NFASC: variants seen among roughly 807,000 people sequenced by gnomAD.
NFASC encodes neurofascin, also known as neurofascin homolog.
In NFASC, 43 loss-of-function variants were observed where a neutral mutation model predicts 147.5. The observed-to-expected ratio is 0.29, with a 90% CI of 0.23 to 0.38. The LOEUF (loss-of-function observed/expected upper bound fraction) is 0.38, where lower values mean the gene tolerates loss of function less well. Ranked by LOEUF, NFASC falls within the 10% of genes least tolerant of loss-of-function variation. The pLI, the probability that NFASC is intolerant of heterozygous loss-of-function variation, is 1.00. For synonymous variants in NFASC, 622 were observed against 665.5 expected (o/e 0.93, Z 1.01); for missense variants, 1,320 against 1,689.0 (o/e 0.78, Z 3.83).
At chr1:204,890,049 C>T (rs2082081018) in intron 1 of NFASC, among the ~76,000 whole-genome samples, 1 of 152,158 alleles carries the variant, frequency 6.6e-6, no homozygotes, top group South Asian at 2.1e-4. Context: ...CTTTGTGGGC[C>T]TCCCCTATCT....
intron 1 of NFASC, among the ~76,000 whole-genome samples, chr1:204,912,523 GC>G (rs1558074738): frequency 2.6e-5 from 4 of 151,278 alleles, no homozygotes; most frequent in African/African-American, 9.7e-5. Context: ...ATAGCAAGAC[GC>G]CCCATCTCTA....
At chr1:204,864,162 CATA>C (rs1177619411) in intron 1 of NFASC, among the ~76,000 whole-genome samples, 1 of 152,112 alleles carries the variant, frequency 6.6e-6, no homozygotes, top group Non-Finnish European at 1.5e-5. Flanking sequence ...TTTCACTTAG[CATA>C]ATATTTTCAA....
intron 24 of NFASC, among the ~76,000 whole-genome samples, chr1:204,993,939 C>T (rs1395956275): frequency 6.6e-6 from 1 of 152,224 alleles, no homozygotes; most frequent in Non-Finnish European, 1.5e-5. Flanking sequence ...CTCGTTCCCA[C>T]CTGTACTAGC....
intron 1 of NFASC, among the ~76,000 whole-genome samples, chr1:204,886,086 C>T (rs539814147): frequency 1.3e-5 from 2 of 152,136 alleles, no homozygotes; most frequent in Non-Finnish European, 2.9e-5. Flanking sequence ...TTCTGCAAGC[C>T]GCCTAATCAG....
chr1:204,927,046 G>C (rs2091744108), intron 2 of NFASC, among the ~76,000 whole-genome samples: 1 of 152,136 alleles, frequency 6.6e-6, no homozygotes, highest in South Asian at 2.1e-4. Context: ...CTGCACTCTG[G>C]CCTGGATGAC....
Position 205,015,671 on chromosome 1 carries a change from C to CA in NFASC, c.3492-637_3492-636insA, listed in dbSNP as rs1553332715. 3.3e-5 allele frequency among the ~76,000 whole-genome samples: 5 copies of CA among 151,846 alleles called. No individual in the cohort carries two copies. The highest frequency in any genetic ancestry group is 1.2e-4 in the African/African-American group (5 of 41,198). On this transcript the variant is annotated intron_variant, in intron 29 of 29. Coordinates refer to ENST00000339876, the MANE Select transcript of NFASC (RefSeq NM_001005388.3). This position sits in a 1 kb window ranked among gnomAD's most constrained non-coding sequence, Gnocchi z 4.0. ...CATCACCTGCTTACCTGTGTGCCCC[C>CA]CCACCACCACCACTCTTGCGCACCT...
At chr1:204,877,067 T>TA (rs2079132940) in intron 1 of NFASC, among the ~76,000 whole-genome samples, 1 of 110,550 alleles carries the variant, frequency 9.0e-6, no homozygotes, top group African/African-American at 4.6e-5. Context: ...TATTTATATA[T>TA]TTATATATAT....
Position 204,986,127 on chromosome 1 carries a change from T to C in NFASC, c.2471-1291T>C. ...ACCCCGGAAGGAGGTAGGTCTGGCCTGCAGCTCTTCAGGGTGGGGCAGGAG... is the reference window on the plus strand; with the variant it reads ...ACCCCGGAAGGAGGTAGGTCTGGCCCGCAGCTCTTCAGGGTGGGGCAGGAG... On this transcript the variant is annotated intron_variant, in intron 21 of 29. Transcript: ENST00000339876. The surrounding 1 kb of genome is among the most constrained non-coding windows in gnomAD (Gnocchi z 4.2). 2 of 1,602,996 alleles carry C rather than the reference T, an allele frequency of 1.2e-6. No homozygotes were observed. The highest frequency in any genetic ancestry group is 1.3e-5 in the African/African-American group (1 of 74,824).
intron 1 of NFASC, among the ~76,000 whole-genome samples, chr1:204,888,625 CTTTG>C (rs547734140): frequency 1.1e-3 from 166 of 152,306 alleles, no homozygotes; most frequent in African/African-American, 3.7e-3. Flanking sequence ...CTCGCATAAA[CTTTG>C]TTTAATACAC....
chr1:205,005,210 G>A (rs1244515567), intron 27 of NFASC, among the ~76,000 whole-genome samples: 1 of 152,244 alleles, frequency 6.6e-6, no homozygotes, highest in Non-Finnish European at 1.5e-5. Flanking sequence ...AAGCCAAACT[G>A]TATTTGGGGA....
In NFASC at chr1:204,979,568, C is replaced by T; in HGVS notation, c.2176+9C>T. 6.2e-7 allele frequency: 1 copy of T among 1,613,072 alleles called. No individual in the cohort carries two copies. The highest frequency in any genetic ancestry group is 8.5e-7 in the Non-Finnish European group (1 of 1,179,572). On this transcript the variant is annotated intron_variant, in intron 19 of 29. Transcript: ENST00000339876. This position sits in a 1 kb window ranked among gnomAD's most constrained non-coding sequence, Gnocchi z 6.0. Reference sequence around the variant, plus strand: ...CCGAACCAGTGGAGCACGTGAGTACCCGAGGGCTGCCAGAGAAGGCTCCGG... The same window carrying T: ...CCGAACCAGTGGAGCACGTGAGTACTCGAGGGCTGCCAGAGAAGGCTCCGG...
intron 2 of NFASC, among the ~76,000 whole-genome samples, chr1:204,922,323 C>G (rs2090658356): frequency 6.6e-6 from 1 of 152,206 alleles, no homozygotes; most frequent in South Asian, 2.1e-4. Flanking sequence ...ACAGCAGCCT[C>G]ACTGTCCGAC....
chr1:204,918,526 C>T (rs1238374646), intron 1 of NFASC, among the ~76,000 whole-genome samples: 1 of 151,582 alleles, frequency 6.6e-6, no homozygotes, highest in African/African-American at 2.4e-5. Context: ...TGCCAACCAA[C>T]TGGGCTCAAA....
chr1:204,952,549 C>T (rs768164554), intron 5 of NFASC, among the ~76,000 whole-genome samples: 3 of 152,086 alleles, frequency 2.0e-5, no homozygotes, highest in East Asian at 1.9e-4. Context: ...TGTGTGTGTC[C>T]GGGCTCTGTG....
chr1:204,840,044 C>A (rs962054295), intron 1 of NFASC, among the ~76,000 whole-genome samples: 1 of 152,152 alleles, frequency 6.6e-6, no homozygotes, highest in African/African-American at 2.4e-5. Flanking sequence ...AGGAGTCTGC[C>A]CTTCACCATC....
rs1488001713 is a variant in NFASC at position 205,019,846 on chromosome 1, CCT to C, written c.*3310_*3311del. 6.6e-6 allele frequency: 1 copy of C among 152,222 alleles called. No individual in the cohort carries two copies. Among genetic ancestry groups the C allele is most frequent in the Non-Finnish European group, 1.5e-5 (1 of 68,052 alleles). 9.4% of individuals were successfully genotyped at this position (152,222 alleles called of 1,614,324 possible). ...TCCTTAACCTGTCTGTATTTTTATGCCTCTGTCTCCCATTCAGTTCCTCCTTG... is the reference window on the plus strand; with the variant it reads ...TCCTTAACCTGTCTGTATTTTTATGCCTGTCTCCCATTCAGTTCCTCCTTG... On this transcript the variant is annotated 3_prime_UTR_variant, in exon 30 of 30. Transcript: ENST00000339876.
At chr1:204,923,872 A>G (rs1030205322) in intron 2 of NFASC, among the ~76,000 whole-genome samples, 1 of 152,146 alleles carries the variant, frequency 6.6e-6, no homozygotes, top group African/African-American at 2.4e-5. Context: ...CAGTGATGCA[A>G]TCATGTCTAG....
intron 28 of NFASC, 115 bp from the exon 29 acceptor site, chr1:205,012,680 AAG>A (rs1246271719): frequency 5.1e-6 from 4 of 791,924 alleles, no homozygotes; most frequent in Admixed American, 3.6e-5. Context: ...CTTGTTAAAA[AAG>A]AGTGTCAGTG....
intron 27 of NFASC, among the ~76,000 whole-genome samples, chr1:205,003,629 T>A (rs180779012): frequency 2.6e-4 from 40 of 152,038 alleles, no homozygotes; most frequent in Admixed American, 4.6e-4. Context: ...GAGAAAAGGA[T>A]CAGTACCTTG....
Sources: gnomAD v4.1 joint callset for allele counts (sites outside exome capture counted in the v4.1 genomes callset) on GRCh38, gnomAD v4.1.1 for gene constraint, Gnocchi (gnomAD v3.1) non-coding constraint, MANE v1.5 for transcripts, NCBI Gene and HGNC (gene_info 2026-07-23, HGNC 2026-07-21) for gene names.